The following SEC11C variants were observed in gnomAD, a reference collection of about 807,000 sequenced individuals.
The protein encoded by SEC11C is signal peptidase complex catalytic subunit SEC11C.
A neutral mutation model predicts 21.9 loss-of-function variants in SEC11C; 10 were observed. The observed-to-expected ratio is 0.46, with a 90% CI of 0.28 to 0.77. SEC11C has a LOEUF of 0.77. Among genes scored for constraint, SEC11C ranks in the 30% least tolerant of loss-of-function variants. SEC11C has a pLI of 0.12. For missense variants in SEC11C, 145 were observed against 244.5 expected (o/e 0.59, Z 2.71); for synonymous variants, 83 against 85.6 (o/e 0.97, Z 0.17).
chr18:59,145,387 A>T (rs1476213429), intron 1 of SEC11C, among the ~76,000 whole-genome samples: 6 of 152,226 alleles, frequency 3.9e-5, no homozygotes, highest in African/African-American at 1.4e-4. Context: ...TGGTCTAGCC[A>T]GTCAGGGCAG....
chr18:59,143,997 A>G (rs8096271), intron 1 of SEC11C, among the ~76,000 whole-genome samples: 68,405 of 151,656 alleles, frequency 0.45, 16,071 homozygotes, highest in East Asian at 0.63. Flanking sequence ...GATTACAGGC[A>G]CATGCACCAC....
At chr18:59,152,029 G>C (rs1489169190) in intron 2 of SEC11C, among the ~76,000 whole-genome samples, 1 of 152,074 alleles carries the variant, frequency 6.6e-6, no homozygotes, top group Non-Finnish European at 1.5e-5. Flanking sequence ...CAAAAGACTT[G>C]GGTTCCGGTT....
At chr18:59,141,720 G>A (rs2069213166) in intron 1 of SEC11C, among the ~76,000 whole-genome samples, 1 of 150,988 alleles carries the variant, frequency 6.6e-6, no homozygotes, top group Non-Finnish European at 1.5e-5. Flanking sequence ...ACTTTGTCAG[G>A]CCTGCATGCT....
At chr18:59,149,148 C>T (rs535552340) in intron 1 of SEC11C, among the ~76,000 whole-genome samples, 3 of 152,274 alleles carry the variant, frequency 2.0e-5, no homozygotes, top group African/African-American at 7.2e-5. Context: ...CCCCATGCTG[C>T]GCTGTGTCTG....
At chr18:59,141,130 G>A (rs559137418) in intron 1 of SEC11C, among the ~76,000 whole-genome samples, 1 of 145,272 alleles carries the variant, frequency 6.9e-6, no homozygotes, top group Non-Finnish European at 1.5e-5. Flanking sequence ...TACTCCTTTA[G>A]GCATACGTGT....
At chr18:59,153,960 G>A (rs1276861503) in intron 3 of SEC11C, among the ~76,000 whole-genome samples, 2 of 152,150 alleles carry the variant, frequency 1.3e-5, no homozygotes. Flanking sequence ...ATCCGCCTTG[G>A]CCTCCCAAAG....
intron 1 of SEC11C, among the ~76,000 whole-genome samples, chr18:59,141,796 C>T (rs2069213840): frequency 6.6e-6 from 1 of 152,120 alleles, no homozygotes; most frequent in Non-Finnish European, 1.5e-5. Flanking sequence ...GCAGGACCCA[C>T]ATGCAACACA....
intron 3 of SEC11C, 63 bp from the exon 4 acceptor site, chr18:59,155,625 A>G (rs769006539): frequency 6.4e-7 from 1 of 1,559,680 alleles, no homozygotes; most frequent in Non-Finnish European, 8.7e-7. Flanking sequence ...GAGTAAACTA[A>G]TATTTTTGTT....
intron 2 of SEC11C, among the ~76,000 whole-genome samples, chr18:59,152,085 A>G (rs561267742): frequency 1.3e-5 from 2 of 152,206 alleles, no homozygotes; most frequent in African/African-American, 2.4e-5. Context: ...CTGCTCCCCA[A>G]GTGCATCCAT....
chr18:59,151,896 T>G (rs1287937545), intron 2 of SEC11C, among the ~76,000 whole-genome samples: 1 of 152,254 alleles, frequency 6.6e-6, no homozygotes, highest in Non-Finnish European at 1.5e-5. Context: ...CCGCCAAAGA[T>G]TTTGGCACAG....
In SEC11C at chr18:59,155,775, G is replaced by A; in HGVS notation, c.435G>A (p.Leu145=). ...TGTACAAAGAAGGCCAGAACTGGCT[G>A]GAAAAGAAGGACGTGGTGGGAAGAG... ...RGLYKEGQNW[L]EKKDVVGRAR... The change falls in exon 4 of 6, where the codon CTG becomes CTA. Residue 145 remains leucine, a synonymous_variant. Transcript: ENST00000587834. The A allele has an allele frequency of 6.2e-7, 1 of 1,613,952 alleles. No individual in the cohort carries two copies. Among genetic ancestry groups the A allele is most frequent in the East Asian group, 2.2e-5 (1 of 44,848 alleles).
intron 3 of SEC11C, among the ~76,000 whole-genome samples, chr18:59,154,103 T>TG (rs2069392137): frequency 6.6e-6 from 1 of 152,204 alleles, no homozygotes; most frequent in Non-Finnish European, 1.5e-5. Context: ...CAACCTGTGG[T>TG]GATACACTGG....
At chr18:59,150,917 C>T (rs1371888661) in intron 2 of SEC11C, among the ~76,000 whole-genome samples, 1 of 152,122 alleles carries the variant, frequency 6.6e-6, no homozygotes, top group East Asian at 1.9e-4. Flanking sequence ...ATCTCACAGA[C>T]ACACTTGCAC....
At position 59,158,722 on chromosome 18, in the gene SEC11C, T is replaced by A; in HGVS notation, c.*37T>A. ...GTTCCTGGGACCAGATTGAAATGAA[T>A]TCTGTTGAAAAAGAGAAAAACTAAT... On this transcript the variant is annotated 3_prime_UTR_variant, in exon 6 of 6. Transcript: ENST00000587834. 6.4e-7 allele frequency: 1 copy of A among 1,553,068 alleles called. No individual in the cohort carries two copies. The highest frequency in any genetic ancestry group is 8.9e-7 in the Non-Finnish European group (1 of 1,124,834).
At chr18:59,140,100 T>G in intron 1 of SEC11C, 65 bp downstream of exon 1, 1 of 1,409,124 alleles carries the variant, frequency 7.1e-7, no homozygotes. Flanking sequence ...GAGTCGGGGC[T>G]TCCCAGTCAG....
At chr18:59,140,166 C>T in intron 1 of SEC11C, 131 bp downstream of exon 1, 1 of 728,622 alleles carries the variant, frequency 1.4e-6, no homozygotes, top group East Asian at 3.0e-5. Flanking sequence ...CCGCGCTGGG[C>T]TCTCAGGCCC....
intron 1 of SEC11C, among the ~76,000 whole-genome samples, chr18:59,142,459 C>G (rs1038585641): frequency 6.6e-6 from 1 of 152,192 alleles, no homozygotes; most frequent in African/African-American, 2.4e-5. Flanking sequence ...CTTTCCTCAT[C>G]AGATCTGTAA....
chr18:59,150,789 T>C (rs1187530774), intron 2 of SEC11C, among the ~76,000 whole-genome samples: 5 of 152,112 alleles, frequency 3.3e-5, no homozygotes, highest in African/African-American at 1.2e-4. Context: ...CAAATTTAGA[T>C]GGACCCTCTC....
Position 59,158,712 on chromosome 18 carries a change from T to C in SEC11C, c.*27T>C, listed in dbSNP as rs79191431. 1.4e-3 allele frequency: 2,128 copies of C among 1,575,898 alleles called. 49 individuals are homozygous for C. In the East Asian group the frequency reaches 0.037, roughly 28 times the overall value. ...ATGAGAAGCAGTTCCTGGGACCAGATTGAAATGAATTCTGTTGAAAAAGAG... is the reference window on the plus strand; with the variant it reads ...ATGAGAAGCAGTTCCTGGGACCAGACTGAAATGAATTCTGTTGAAAAAGAG... On this transcript the variant is annotated 3_prime_UTR_variant, in exon 6 of 6. Transcript: ENST00000587834.
Sources: gnomAD v4.1 joint callset for allele counts (sites outside exome capture counted in the v4.1 genomes callset) on GRCh38, gnomAD v4.1.1 for gene constraint, MANE v1.5 for transcripts, NCBI Gene and HGNC (gene_info 2026-07-23, HGNC 2026-07-21) for gene names.